Variants in MAPKAP1 observed in about 807,000 individuals in gnomAD.
MAPKAP1 encodes the protein target of rapamycin complex 2 subunit MAPKAP1.
In MAPKAP1, 20 loss-of-function variants were observed where a neutral mutation model predicts 65.7. The ratio of observed to expected loss-of-function variants is 0.30; its 90% CI spans 0.21 to 0.44. MAPKAP1 has a LOEUF of 0.44. Ranked by LOEUF, MAPKAP1 falls within the 20% of genes least tolerant of loss-of-function variation. MAPKAP1 has a pLI of 1.00. For synonymous variants in MAPKAP1, 222 were observed against 244.3 expected, an observed-to-expected ratio of 0.91 and a Z score of 0.85; for missense variants, 423 against 648.0, an observed-to-expected ratio of 0.65 and a Z score of 3.77.
chr9:125,615,701 T>C (rs898456743), intron 4 of MAPKAP1, among the ~76,000 whole-genome samples: 4 of 151,950 alleles, frequency 2.6e-5, no homozygotes, highest in Admixed American at 6.6e-5. Context: ...TAACTTGAGG[T>C]CAGGAGTTCA....
At chr9:125,459,620 C>G (rs1188633747) in intron 10 of MAPKAP1, among the ~76,000 whole-genome samples, 1 of 152,204 alleles carries the variant, frequency 6.6e-6, no homozygotes, top group African/African-American at 2.4e-5. Flanking sequence ...GGAGACCAGC[C>G]CGGCCAACTC....
intron 9 of MAPKAP1, among the ~76,000 whole-genome samples, chr9:125,482,148 A>AAAAAGAAGAAG (rs60516268): frequency 4.7e-4 from 55 of 116,992 alleles, no homozygotes; most frequent in African/African-American, 1.7e-3. Flanking sequence ...AAAAAAAAAA[A>AAAAAGAAGAAG]AAGAAGAAGA....
chr9:125,593,816 A>G lies in MAPKAP1; in HGVS notation c.499-8089T>C, dbSNP rs1041156417. On this transcript the variant is annotated intron_variant, in intron 4 of 11. Transcript: ENST00000265960. ...CTTCCTATAGCAAAACTTTCTTGGC[A>G]CAAATGCAACTCATGAGGACCAACT... is the stretch of plus-strand genomic sequence containing the variant. 3.9e-5 allele frequency among the ~76,000 whole-genome samples: 6 copies of G among 152,246 alleles called. No individual in the cohort carries two copies. In the South Asian group the frequency reaches 6.2e-4, roughly 16 times the overall value.
chr9:125,509,599 G>A (rs576748726), intron 7 of MAPKAP1, among the ~76,000 whole-genome samples: 1 of 152,100 alleles, frequency 6.6e-6, no homozygotes, highest in African/African-American at 2.4e-5. Flanking sequence ...TGTTTATGTA[G>A]ACATATTTTC....
chr9:125,703,927 A>C (rs1417145863), intron 1 of MAPKAP1, among the ~76,000 whole-genome samples: 1 of 152,160 alleles, frequency 6.6e-6, no homozygotes, highest in Non-Finnish European at 1.5e-5. Flanking sequence ...TCAACTGCAA[A>C]AGTTTCTGAA....
intron 4 of MAPKAP1, among the ~76,000 whole-genome samples, chr9:125,657,328 T>C (rs1446100281): frequency 6.6e-6 from 1 of 151,800 alleles, no homozygotes; most frequent in African/African-American, 2.4e-5. Flanking sequence ...TGTATATACA[T>C]ATATATACAC....
chr9:125,688,973 TAC>T (rs1835072507), intron 1 of MAPKAP1, among the ~76,000 whole-genome samples: 1 of 152,144 alleles, frequency 6.6e-6, no homozygotes, highest in Admixed American at 6.5e-5. Flanking sequence ...CTCCACTCCT[TAC>T]ACACAAGTCT....
At chr9:125,653,287 A>AT (rs1833943583) in intron 4 of MAPKAP1, among the ~76,000 whole-genome samples, 1 of 152,244 alleles carries the variant, frequency 6.6e-6, no homozygotes, top group Non-Finnish European at 1.5e-5. Context: ...CATGACATAG[A>AT]GCCTTCATAA....
chr9:125,443,091 G>A (rs960930129), intron 11 of MAPKAP1, among the ~76,000 whole-genome samples: 2 of 152,216 alleles, frequency 1.3e-5, no homozygotes, highest in Non-Finnish European at 2.9e-5. Context: ...TCACAGAGCT[G>A]TGAAGATGCA....
chr9:125,516,992 T>C (rs1239209925), intron 7 of MAPKAP1, among the ~76,000 whole-genome samples: 2 of 152,230 alleles, frequency 1.3e-5, no homozygotes, highest in African/African-American at 4.8e-5. Context: ...ATGCATTTGC[T>C]TTCCGCATCT....
chr9:125,686,841 T>G (rs1834996396), intron 1 of MAPKAP1, among the ~76,000 whole-genome samples: 2 of 152,086 alleles, frequency 1.3e-5, no homozygotes, highest in South Asian at 2.1e-4. Context: ...TTTTTTTTTT[T>G]TGAGAGACAC....
At position 125,464,204 on chromosome 9, in the gene MAPKAP1, T is replaced by TAAA. The variant is rs57497941; in HGVS notation, c.1345+3765_1345+3767dup. ...CACAGTGAGACCCTGTCTCATATAT[T>TAAA]AAAAAAAAAAAAAAAAAAAAAAAAA... On this transcript the variant is annotated intron_variant, in intron 10 of 11. Transcript: ENST00000265960. Among the ~76,000 whole-genome samples the TAAA allele has an allele frequency of 2.9e-4, 24 of 83,308 alleles. 1 individual carries two copies. Among genetic ancestry groups the TAAA allele is most frequent in the South Asian group, 5.1e-4 (1 of 1,962 alleles). 54.7% of individuals were successfully genotyped at this position (83,308 alleles called of 152,430 possible). A position where few individuals can be genotyped will look rare whatever the true frequency, so the allele number is the denominator to read the frequency against.
In MAPKAP1 at chr9:125,659,863, T is replaced by C. The variant is rs138250847; in HGVS notation, c.350-2064A>G. ...ATCAAATCCACTCCAAGTAGGCATA[T>C]TCAGGCCACACTACTCCACCAAAGC... On this transcript the variant is annotated intron_variant, in intron 3 of 11. Transcript: ENST00000265960. Among the ~76,000 whole-genome samples the C allele has an allele frequency of 3.5e-4, 53 of 152,272 alleles. No individual in the cohort carries two copies. The East Asian group carries it at 8.3e-3, about 24-fold the overall frequency.
chr9:125,698,288 AATATATATATATATATATATATAT>A lies in MAPKAP1; in HGVS notation c.-70+8659_-70+8682del, dbSNP rs57303829. 7.7e-4 allele frequency among the ~76,000 whole-genome samples: 38 copies of A among 49,048 alleles called. 2 individuals are homozygous for A. The highest frequency in any genetic ancestry group is 2.1e-3 in the Admixed American group (8 of 3,806). 32.2% of individuals were successfully genotyped at this position (49,048 alleles called of 152,430 possible). A position where few individuals can be genotyped will look rare whatever the true frequency, so the allele number is the denominator to read the frequency against. On this transcript the variant is annotated intron_variant, in intron 1 of 11. Coordinates refer to ENST00000265960, the MANE Select transcript of MAPKAP1 (RefSeq NM_001006617.3). ...ATATATATAATACATAATATATATA[AATATATATATATATATATATATAT>A]ATATATATATATATATATATATATA...
At position 125,465,627 on chromosome 9, in the gene MAPKAP1, C is replaced by G. The variant is rs147229401; in HGVS notation, c.1345+2345G>C. ...TTCAGTAAGTTCAGTTTTCAGTTAA[C>G]AAACATTCAGTGAGGACAACTCTGC... On this transcript the variant is annotated intron_variant, in intron 10 of 11. Coordinates refer to ENST00000265960, the MANE Select transcript of MAPKAP1 (RefSeq NM_001006617.3). Among the ~76,000 whole-genome samples the G allele has an allele frequency of 3.6e-3, 554 of 152,310 alleles. 5 individuals are homozygous for G. Among genetic ancestry groups the G allele is most frequent in the African/African-American group, 0.013 (534 of 41,576 alleles).
intron 9 of MAPKAP1, among the ~76,000 whole-genome samples, chr9:125,479,075 A>G (rs572287354): frequency 6.6e-6 from 1 of 152,316 alleles, no homozygotes; most frequent in Admixed American, 6.5e-5. Context: ...GTTTCATCAT[A>G]TAAAAAATGG....
At position 125,672,460 on chromosome 9, in the gene MAPKAP1, C is replaced by G; in HGVS notation, c.115G>C (p.Glu39Gln). Reference protein sequence around the residue: ...MVLIDHDVDLEKIHPPSMPGD... With the variant: ...MVLIDHDVDLQKIHPPSMPGD... The stretch of plus-strand genomic sequence containing the variant: ...GGCATTGAAGGAGGATGAATCTTCT[C>G]TAGGTCAACATCATGATCAATGAGA... The change falls in exon 2 of 12, where the codon GAG becomes CAG. Residue 39 changes from glutamate (E) to glutamine (Q), a missense_variant. Physicochemically the swap from Glu to Gln is conservative, Grantham distance 29. Coordinates refer to ENST00000265960, the MANE Select transcript of MAPKAP1 (RefSeq NM_001006617.3). The G allele has an allele frequency of 6.2e-7, 1 of 1,614,212 alleles. No homozygotes were observed.
intron 6 of MAPKAP1, 136 bp from the exon 7 acceptor site, chr9:125,543,304 T>C: frequency 1.6e-6 from 1 of 621,724 alleles, no homozygotes; most frequent in Non-Finnish European, 2.8e-6. Flanking sequence ...TCTCGCTCTG[T>C]CACCCAGGCT....
At chr9:125,540,550 G>C (rs973937134) in intron 7 of MAPKAP1, among the ~76,000 whole-genome samples, 1 of 152,234 alleles carries the variant, frequency 6.6e-6, no homozygotes, top group Non-Finnish European at 1.5e-5. Context: ...AGTAAGGGTA[G>C]CAAAGAGACA....
Sources: allele counts gnomAD v4.1 joint callset (sites outside exome capture counted in the v4.1 genomes callset), GRCh38; gene constraint gnomAD v4.1.1; transcripts MANE v1.5; gene names NCBI Gene and HGNC (gene_info 2026-07-23, HGNC 2026-07-21).